Variants in ADAMTSL3 observed in about 807,000 individuals in gnomAD.
The protein encoded by ADAMTSL3 is ADAMTS-like protein 3.
ADAMTSL3 carries 128 observed loss-of-function variants against 201.7 expected under a neutral mutation model. The ratio of observed to expected loss-of-function variants is 0.63; its 90% confidence interval spans 0.55 to 0.73. The LOEUF (loss-of-function observed/expected upper bound fraction) is 0.73. Ranked by LOEUF, ADAMTSL3 falls within the 30% of genes least tolerant of loss-of-function variation. The pLI is 0.00. For synonymous variants in ADAMTSL3, 738 were observed against 748.4 expected (o/e 0.99, Z 0.23); for missense variants, 1,990 against 2,119.6 (o/e 0.94, Z 1.20).
At chr15:83,891,130 G>T in intron 11 of ADAMTSL3, 199 bp from the exon 12 acceptor site, 1 of 525,378 alleles carries the variant, frequency 1.9e-6, no homozygotes, top group African/African-American at 1.9e-5. Context: ...AAATAGAACT[G>T]GGGAATTTGT....
At chr15:83,769,839 C>A (rs1323878112) in intron 3 of ADAMTSL3, among the ~76,000 whole-genome samples, 1 of 143,554 alleles carries the variant, frequency 7.0e-6, no homozygotes, top group East Asian at 2.0e-4. Flanking sequence ...CTTAAGGAAA[C>A]CTTTGCAGTA....
chr15:83,856,571 C>G (rs889749634), intron 7 of ADAMTSL3, among the ~76,000 whole-genome samples: 6 of 152,064 alleles, frequency 3.9e-5, no homozygotes. Flanking sequence ...AGGTAATTGT[C>G]TAGGCCAAGG....
At chr15:83,938,321 T>C (rs2066496462) in intron 17 of ADAMTSL3, among the ~76,000 whole-genome samples, 1 of 152,216 alleles carries the variant, frequency 6.6e-6, no homozygotes, top group Non-Finnish European at 1.5e-5. Flanking sequence ...TCTAACTATA[T>C]GACTTTGCAG....
intron 4 of ADAMTSL3, among the ~76,000 whole-genome samples, chr15:83,774,389 G>A (rs2063037106): frequency 6.6e-6 from 1 of 152,252 alleles, no homozygotes; most frequent in African/African-American, 2.4e-5. Flanking sequence ...AATGCAGGGA[G>A]AGCATATTTT....
chr15:83,696,425 C>G (rs1190929839), intron 2 of ADAMTSL3, among the ~76,000 whole-genome samples: 1 of 152,224 alleles, frequency 6.6e-6, no homozygotes, highest in East Asian at 1.9e-4. Context: ...ATTAATATTC[C>G]TGACAGTGAC....
At chr15:83,897,589 T>C (rs1274169449) in intron 13 of ADAMTSL3, among the ~76,000 whole-genome samples, 1 of 152,202 alleles carries the variant, frequency 6.6e-6, no homozygotes, top group Non-Finnish European at 1.5e-5. Flanking sequence ...AGCAGTAAGA[T>C]TTCAGGGCAT....
intron 10 of ADAMTSL3, among the ~76,000 whole-genome samples, chr15:83,887,474 A>C (rs1382137845): frequency 6.6e-6 from 1 of 152,206 alleles, no homozygotes; most frequent in Non-Finnish European, 1.5e-5. Context: ...TCTGACATTC[A>C]TTCAGGTTAT....
At chr15:83,945,454 C>T (rs2066636945) in intron 19 of ADAMTSL3, among the ~76,000 whole-genome samples, 1 of 152,156 alleles carries the variant, frequency 6.6e-6, no homozygotes, top group African/African-American at 2.4e-5. Context: ...ATAGACGGCC[C>T]AAGGGAGAAT....
At chr15:83,795,276 C>G (rs2063407693) in intron 4 of ADAMTSL3, among the ~76,000 whole-genome samples, 1 of 151,976 alleles carries the variant, frequency 6.6e-6, no homozygotes, top group African/African-American at 2.4e-5. Context: ...ACAACAACAA[C>G]AACAACAACA....
At chr15:83,696,214 A>C (rs2061686810) in intron 2 of ADAMTSL3, among the ~76,000 whole-genome samples, 1 of 152,144 alleles carries the variant, frequency 6.6e-6, no homozygotes, top group Non-Finnish European at 1.5e-5. Flanking sequence ...TTCCCATTCA[A>C]ATACTAAAGT....
At chr15:83,997,037 A>G (rs567347723) in intron 23 of ADAMTSL3, among the ~76,000 whole-genome samples, 1 of 152,344 alleles carries the variant, frequency 6.6e-6, no homozygotes, top group South Asian at 2.1e-4. Context: ...CACAGTGTAT[A>G]TGTAATGAAC....
At chr15:84,030,267 T>A (rs1461173992) in intron 27 of ADAMTSL3, among the ~76,000 whole-genome samples, 3 of 151,994 alleles carry the variant, frequency 2.0e-5, no homozygotes, top group African/African-American at 7.2e-5. Context: ...CACCAGCCCA[T>A]GAAAGCAGCC....
At chr15:83,956,758 ATTTCTGCACATGTT>A (rs2066870364) in intron 19 of ADAMTSL3, among the ~76,000 whole-genome samples, 1 of 152,090 alleles carries the variant, frequency 6.6e-6, no homozygotes, top group Non-Finnish European at 1.5e-5. Context: ...GGGAAGACCC[ATTTCTGCACATGTT>A]TGTATCCCAC....
chr15:83,773,425 C>A, intron 3 of ADAMTSL3, 98 bp from the exon 4 acceptor site: 1 of 1,341,522 alleles, frequency 7.5e-7, no homozygotes, highest in African/African-American at 1.5e-5. Flanking sequence ...AAAAAGGTGA[C>A]TCTGGAATAA....
intron 4 of ADAMTSL3, among the ~76,000 whole-genome samples, chr15:83,798,645 A>C (rs2063468452): frequency 6.6e-6 from 1 of 151,982 alleles, no homozygotes; most frequent in Non-Finnish European, 1.5e-5. Flanking sequence ...GTCTCTACTA[A>C]AAATACAAAA....
intron 2 of ADAMTSL3, among the ~76,000 whole-genome samples, chr15:83,674,712 T>TAC (rs113206355): frequency 7.2e-6 from 1 of 139,034 alleles, no homozygotes; most frequent in African/African-American, 2.9e-5. Flanking sequence ...TATACATATA[T>TAC]ACACACATAT....
intron 3 of ADAMTSL3, among the ~76,000 whole-genome samples, chr15:83,742,310 C>G (rs966262284): frequency 6.6e-6 from 1 of 152,050 alleles, no homozygotes; most frequent in East Asian, 1.9e-4. Flanking sequence ...AATTTTCAAA[C>G]AGCCTTATGT....
chr15:83,914,208 C>CA (rs1461572647), intron 16 of ADAMTSL3, among the ~76,000 whole-genome samples: 1 of 152,120 alleles, frequency 6.6e-6, no homozygotes, highest in Non-Finnish European at 1.5e-5. Flanking sequence ...GCTCTTGATC[C>CA]AGCCAATGGT....
At chr15:83,928,245 G>A (rs1489820648) in intron 17 of ADAMTSL3, among the ~76,000 whole-genome samples, 10 of 152,170 alleles carry the variant, frequency 6.6e-5, no homozygotes, top group African/African-American at 2.4e-4. Flanking sequence ...GACCTCCTGG[G>A]CTCAAGACAT....
Sources: allele counts gnomAD v4.1 joint callset (sites outside exome capture counted in the v4.1 genomes callset), GRCh38; gene constraint gnomAD v4.1.1; transcripts MANE v1.5; gene names NCBI Gene and HGNC (gene_info 2026-07-23, HGNC 2026-07-21).